COL25A1: variants seen among roughly 807,000 people sequenced by gnomAD.
The protein encoded by COL25A1 is collagen alpha-1(XXV) chain.
Under a neutral mutation model 128.4 loss-of-function variants are expected in COL25A1, and 103 were observed. The ratio of observed to expected loss-of-function variants is 0.80; its 90% CI spans 0.68 to 0.94. The LOEUF is 0.94. Among genes scored for constraint, COL25A1 ranks in the 40% least tolerant of loss-of-function variants. The pLI is 0.00. For synonymous variants in COL25A1, 279 were observed against 277.2 expected (o/e 1.01, Z -0.06); for missense variants, 745 against 840.0 (o/e 0.89, Z 1.40).
At chr4:109,224,726 G>C (rs1159202864) in intron 3 of COL25A1, among the ~76,000 whole-genome samples, 1 of 152,134 alleles carries the variant, frequency 6.6e-6, no homozygotes, top group African/African-American at 2.4e-5. Context: ...GATCAACTGA[G>C]GTCGAGAGTT....
chr4:108,860,936 C>G lies in COL25A1; in HGVS notation c.1233G>C (p.Gln411His). Residue 411 changes from glutamine to histidine, a missense_variant, in exon 23 of 38, where the codon CAG (glutamine) becomes CAC (histidine). By Grantham distance (24) the Gln-to-His change is conservative. This residue lies in a region of COL25A1 where 387 missense variants were observed against 441.9 expected (regional missense o/e 0.88). Transcript: ENST00000399132. The part of the protein sequence containing the change: ...DRGEKGDSGA[Q>H]GPRGPPGQKG... ...TGAGAGGAACACTCACCCTTGGTCCCTGAGCTCCAGAGTCCCCTTTTTCTC... is the reference window on the plus strand; with the variant it reads ...TGAGAGGAACACTCACCCTTGGTCCGTGAGCTCCAGAGTCCCCTTTTTCTC... 6.2e-7 allele frequency: 1 copy of G among 1,613,776 alleles called. No homozygotes were observed. The highest frequency in any genetic ancestry group is 8.5e-7 in the Non-Finnish European group (1 of 1,179,776).
At chr4:108,994,171 T>C (rs1754512521) in intron 6 of COL25A1, among the ~76,000 whole-genome samples, 1 of 152,180 alleles carries the variant, frequency 6.6e-6, no homozygotes, top group Admixed American at 6.5e-5. Context: ...TCCAGGAAAC[T>C]CAAGGGGTCG....
rs953596548 is a variant in COL25A1, at chr4:108,911,855, A to G, written c.780+6317T>C. ...AGTGAGGAGCTTTACTTCCTCAGCT[A>G]CCCCTATTCTCTCAGCAATCCCAAT... On this transcript the variant is annotated intron_variant, in intron 13 of 37. Transcript: ENST00000399132. 1.1e-4 allele frequency among the ~76,000 whole-genome samples: 15 copies of G among 138,178 alleles called. No individual in the cohort carries two copies. The East Asian group carries it at 3.1e-3, about 28-fold the overall frequency. The allele number at this position is 138,178 out of a possible 152,430, so 90.7% of individuals were successfully genotyped here. A position where few individuals can be genotyped will look rare whatever the true frequency, so the allele number is the denominator to read the frequency against.
intron 3 of COL25A1, among the ~76,000 whole-genome samples, chr4:109,281,108 T>C (rs1723347212): frequency 6.6e-6 from 1 of 151,964 alleles, no homozygotes; most frequent in African/African-American, 2.4e-5. Context: ...ATTGGGAGAG[T>C]ACAAGAATAC....
chr4:108,887,272 C>T (rs564628688), intron 18 of COL25A1, among the ~76,000 whole-genome samples: 38 of 152,274 alleles, frequency 2.5e-4, no homozygotes, highest in African/African-American at 8.7e-4. Flanking sequence ...GTGTCTCTGA[C>T]ACAGGAGCCT....
chr4:109,017,629 C>T (rs1020805103), intron 5 of COL25A1, among the ~76,000 whole-genome samples: 1 of 152,146 alleles, frequency 6.6e-6, no homozygotes, highest in African/African-American at 2.4e-5. Context: ...ATGCTGCTTT[C>T]CCATTTAACA....
intron 3 of COL25A1, among the ~76,000 whole-genome samples, chr4:109,252,387 T>A (rs570976026): frequency 6.6e-6 from 1 of 152,320 alleles, no homozygotes; most frequent in South Asian, 2.1e-4. Flanking sequence ...GCTGAGCCCA[T>A]GTATAACCTC....
chr4:108,968,095 A>G (rs2194861), intron 8 of COL25A1, among the ~76,000 whole-genome samples: 65,575 of 151,932 alleles, frequency 0.43, 14,558 homozygotes, highest in East Asian at 0.61. Context: ...CAAGGCGGGA[A>G]GTACAATTCT....
At chr4:109,006,403 T>TTTTTTTTTTTTTTTTTG (rs1272170982) in intron 6 of COL25A1, among the ~76,000 whole-genome samples, 1 of 137,200 alleles carries the variant, frequency 7.3e-6, no homozygotes, top group African/African-American at 2.9e-5. Context: ...TTTTTTTTTT[T>TTTTTTTTTTTTTTTTTG]TTTTTTTGGT....
intron 6 of COL25A1, among the ~76,000 whole-genome samples, chr4:108,999,686 A>G (rs1195572596): frequency 6.6e-6 from 1 of 152,216 alleles, no homozygotes; most frequent in African/African-American, 2.4e-5. Context: ...TTACGGCACT[A>G]TTCACAATAG....
intron 3 of COL25A1, among the ~76,000 whole-genome samples, chr4:109,216,317 G>T (rs921698992): frequency 1.3e-5 from 2 of 151,608 alleles, no homozygotes; most frequent in Non-Finnish European, 2.9e-5. Context: ...AAGGAAAGAC[G>T]GAAGGAAGGA....
chr4:109,236,728 T>A (rs1487723254), intron 3 of COL25A1, among the ~76,000 whole-genome samples: 6 of 152,112 alleles, frequency 3.9e-5, no homozygotes, highest in Non-Finnish European at 5.9e-5. Flanking sequence ...AATATAATCT[T>A]GTTTTGAGAA....
chr4:108,983,875 A>G (rs1271755046), intron 6 of COL25A1, among the ~76,000 whole-genome samples: 2 of 152,178 alleles, frequency 1.3e-5, no homozygotes, highest in African/African-American at 4.8e-5. Context: ...GAGCAGCAGC[A>G]GGATTTATTG....
intron 5 of COL25A1, among the ~76,000 whole-genome samples, chr4:109,013,155 T>C (rs1048025830): frequency 1.3e-5 from 2 of 151,832 alleles, no homozygotes; most frequent in Admixed American, 1.3e-4. Flanking sequence ...CACCAATCAG[T>C]GCTCTGTGTC....
Position 108,864,710 on chromosome 4 carries a change from G to A in COL25A1, c.1084-1323C>T, listed in dbSNP as rs139678606. Reference sequence around the variant, plus strand: ...GATCCCTGGAGGTGAGACTTGAGTCGTGTCCTGAAGGATGAGTAGGGTTTA... The same window carrying A: ...GATCCCTGGAGGTGAGACTTGAGTCATGTCCTGAAGGATGAGTAGGGTTTA... On this transcript the variant is annotated intron_variant, in intron 20 of 37. Coordinates refer to ENST00000399132, the MANE Select transcript of COL25A1 (RefSeq NM_198721.4). Among the ~76,000 whole-genome samples, 24 of 152,282 alleles carry A rather than the reference G, an allele frequency of 1.6e-4. No individual in the cohort carries two copies. In the East Asian group the frequency reaches 2.9e-3, roughly 18 times the overall value.
intron 3 of COL25A1, among the ~76,000 whole-genome samples, chr4:109,197,476 ATAT>A (rs1776201023): frequency 8.5e-6 from 1 of 118,060 alleles, no homozygotes; most frequent in Non-Finnish European, 1.7e-5. Context: ...TATATAATAT[ATAT>A]TATATATTAT....
chr4:109,025,020 T>C (rs1465386312), intron 5 of COL25A1, among the ~76,000 whole-genome samples: 1 of 152,202 alleles, frequency 6.6e-6, no homozygotes, highest in South Asian at 2.1e-4. Flanking sequence ...TTGGATCCTT[T>C]GCTGTTTTGC....
chr4:109,256,055 C>T (rs1219723583), intron 3 of COL25A1, among the ~76,000 whole-genome samples: 1 of 148,072 alleles, frequency 6.8e-6, no homozygotes, highest in African/African-American at 2.6e-5. Context: ...CATGGAGAAA[C>T]TACATGTGGA....
At position 108,809,321 on chromosome 4, in the gene COL25A1, T is replaced by C. The variant is rs1406787958; in HGVS notation, c.*4606A>G. 1 of 152,068 alleles carries C rather than the reference T, an allele frequency of 6.6e-6. No homozygotes were observed. The highest frequency in any genetic ancestry group is 2.4e-5 in the African/African-American group (1 of 41,422). The allele number at this position is 152,068 out of a possible 1,614,324, so 9.4% of individuals were successfully genotyped here. ...TAATATTTTCTAAAGAAAAATCAGATACATACATCTTTTAAAATGTTATTA... is the reference window on the plus strand; with the variant it reads ...TAATATTTTCTAAAGAAAAATCAGACACATACATCTTTTAAAATGTTATTA... On this transcript the variant is annotated 3_prime_UTR_variant, in exon 38 of 38. Transcript: ENST00000399132.
Sources: gnomAD v4.1 joint callset for allele counts (sites outside exome capture counted in the v4.1 genomes callset) on GRCh38, gnomAD v4.1.1 for gene constraint, gnomAD v4.1.1 regional missense constraint, MANE v1.5 for transcripts, NCBI Gene and HGNC (gene_info 2026-07-23, HGNC 2026-07-21) for gene names.